The following RELN variants were observed in gnomAD, a reference collection of about 807,000 sequenced individuals.
RELN encodes the protein reelin.
A neutral mutation model predicts 427.6 loss-of-function variants in RELN; 108 were observed. The ratio of observed to expected loss-of-function variants is 0.25; its 90% CI spans 0.22 to 0.30. The LOEUF (loss-of-function observed/expected upper bound fraction) is 0.30. Among genes scored for constraint, RELN ranks in the 10% least tolerant of loss-of-function variants. The pLI is 1.00. For missense variants in RELN, 3,715 were observed against 4,302.8 expected (o/e 0.86, Z 3.82); for synonymous variants, 1,524 against 1,513.4 (o/e 1.01, Z -0.16).
Position 103,927,916 on chromosome 7 carries a change from T to C in RELN, c.227-10731A>G, listed in dbSNP as rs567052688. Among the ~76,000 whole-genome samples, 84 of 152,314 alleles carry C rather than the reference T, an allele frequency of 5.5e-4. 1 individual carries two copies. Among genetic ancestry groups the C allele is most frequent in the South Asian group, 1.7e-3 (8 of 4,824 alleles). On this transcript the variant is annotated intron_variant, in intron 1 of 64. Coordinates refer to ENST00000428762, the MANE Select transcript of RELN (RefSeq NM_005045.4). ...AAGGGACTTTGCAAAGGACTAAGTA[T>C]GCTCTGCTGGCTTTAGTATTCCTCA...
At chr7:103,884,309 G>A (rs1380601985) in intron 2 of RELN, among the ~76,000 whole-genome samples, 1 of 152,114 alleles carries the variant, frequency 6.6e-6, no homozygotes. Context: ...TTAAATGCAA[G>A]ACCTGAAACC....
At chr7:103,522,534 G>A (rs1173977573) in intron 47 of RELN, among the ~76,000 whole-genome samples, 1 of 152,160 alleles carries the variant, frequency 6.6e-6, no homozygotes, top group East Asian at 1.9e-4. Flanking sequence ...AAACTGGTGG[G>A]TCCTAATAAT....
chr7:103,807,021 T>C (rs1792616611), intron 3 of RELN, among the ~76,000 whole-genome samples: 1 of 152,072 alleles, frequency 6.6e-6, no homozygotes, highest in South Asian at 2.1e-4. Flanking sequence ...TACAGTGGAA[T>C]GTGGTAAGTG....
chr7:103,733,958 A>G (rs1209903850), intron 6 of RELN, among the ~76,000 whole-genome samples: 1 of 152,166 alleles, frequency 6.6e-6, no homozygotes, highest in African/African-American at 2.4e-5. Context: ...AATGTTCTCT[A>G]TAAAGACCAC....
intron 16 of RELN, among the ~76,000 whole-genome samples, chr7:103,648,104 G>T (rs957952624): frequency 6.6e-6 from 1 of 151,998 alleles, no homozygotes; most frequent in Non-Finnish European, 1.5e-5. Context: ...AATCCTAGAA[G>T]AAAACTGATA....
At chr7:103,473,146 A>G in intron 64 of RELN, 1 of 621,730 alleles carries the variant, frequency 1.6e-6, no homozygotes, top group East Asian at 3.1e-5. Context: ...GTGAGCTCTG[A>G]ACCAGAAAAT....
chr7:103,515,204 A>T lies in RELN; in HGVS notation c.8100T>A (p.Phe2700Leu). 2 of 1,614,190 alleles carry T rather than the reference A, an allele frequency of 1.2e-6. No homozygotes were observed. Among genetic ancestry groups the T allele is most frequent in the Non-Finnish European group, 1.7e-6 (2 of 1,180,032 alleles). The change falls in exon 50 of 65, where the codon TTT becomes TTA. Residue 2700 changes from phenylalanine (F) to leucine (L), a missense_variant. By Grantham distance (22) the Phe-to-Leu change is conservative. Transcript: ENST00000428762. The stretch of plus-strand genomic sequence containing the variant: ...ATTTACCTGAAGTTTTGTCTTCCAT[A>T]AACATGTCAAAGGCGATCCTCCCGA... Reference protein sequence around the residue: ...GPVGRIAFDMFMEDKTSVNEH... With the variant: ...GPVGRIAFDMLMEDKTSVNEH...
At chr7:103,562,086 G>A (rs551000116) in intron 34 of RELN, 133 bp from the exon 35 acceptor site, 57 of 1,063,748 alleles carry the variant, frequency 5.4e-5, no homozygotes, top group East Asian at 1.3e-4. Flanking sequence ...CTTTCTTGAC[G>A]TACTTTATTT....
intron 4 of RELN, among the ~76,000 whole-genome samples, chr7:103,756,199 A>G (rs751290073): frequency 2.2e-4 from 33 of 152,218 alleles, no homozygotes; most frequent in Non-Finnish European, 3.2e-4. Flanking sequence ...TACCTTTGCT[A>G]AATTATCTGG....
At chr7:103,814,354 T>C (rs1404702978) in intron 3 of RELN, among the ~76,000 whole-genome samples, 1 of 152,190 alleles carries the variant, frequency 6.6e-6, no homozygotes, top group Non-Finnish European at 1.5e-5. Flanking sequence ...GACAGATTTG[T>C]TCTGATTTGG....
chr7:103,978,955 A>G (rs538712039), intron 1 of RELN, among the ~76,000 whole-genome samples: 2 of 152,326 alleles, frequency 1.3e-5, no homozygotes, highest in African/African-American at 4.8e-5. Flanking sequence ...AGCTCATCAG[A>G]GAATGGTACA....
chr7:103,862,872 G>A (rs1054998974), intron 2 of RELN, among the ~76,000 whole-genome samples: 1 of 152,092 alleles, frequency 6.6e-6, no homozygotes, highest in Non-Finnish European at 1.5e-5. Flanking sequence ...GGAAATCAGA[G>A]AATGGACGTG....
chr7:103,812,800 T>C (rs1792775812), intron 3 of RELN, among the ~76,000 whole-genome samples: 1 of 152,204 alleles, frequency 6.6e-6, no homozygotes, highest in Non-Finnish European at 1.5e-5. Flanking sequence ...GCATTTTAAC[T>C]ATATTCCATT....
At chr7:103,659,742 T>C (rs186267177) in intron 12 of RELN, among the ~76,000 whole-genome samples, 1 of 152,274 alleles carries the variant, frequency 6.6e-6, no homozygotes, top group East Asian at 1.9e-4. Context: ...AATTTTTATA[T>C]CAATAACAAC....
At chr7:103,922,102 G>C (rs1227700125) in intron 1 of RELN, among the ~76,000 whole-genome samples, 1 of 152,090 alleles carries the variant, frequency 6.6e-6, no homozygotes, top group South Asian at 2.1e-4. Flanking sequence ...AAAATTGAGA[G>C]TGTAATGTAG....
At chr7:103,869,979 A>T (rs1381025834) in intron 2 of RELN, among the ~76,000 whole-genome samples, 1 of 152,142 alleles carries the variant, frequency 6.6e-6, no homozygotes, top group East Asian at 1.9e-4. Flanking sequence ...TGACCTGTCA[A>T]GTACACTGAT....
rs17348122 is a variant in RELN at position 103,483,544 on chromosome 7, T to C, written c.10181+109A>G. Reference sequence around the variant, plus strand: ...TTCGTTCTGCCACCACCTAGTTTTGTGGCATTGGTGCATTAACTTTACCCA... The same window carrying C: ...TTCGTTCTGCCACCACCTAGTTTTGCGGCATTGGTGCATTAACTTTACCCA... On this transcript the variant is annotated intron_variant, in intron 62 of 64. Coordinates refer to ENST00000428762, the MANE Select transcript of RELN (RefSeq NM_005045.4). 0.05 allele frequency: 54,791 copies of C among 1,093,132 alleles called. 1,740 individuals carry two copies. Among genetic ancestry groups the C allele is most frequent in the Non-Finnish European group, 0.057 (40,270 of 706,442 alleles). The allele number at this position is 1,093,132 out of a possible 1,614,324, so 67.7% of individuals were successfully genotyped here.
intron 36 of RELN, among the ~76,000 whole-genome samples, chr7:103,561,088 A>T (rs1830631385): frequency 6.6e-6 from 1 of 152,202 alleles, no homozygotes; most frequent in Non-Finnish European, 1.5e-5. Flanking sequence ...AATGTTTGAG[A>T]ATGCTATTTT....
At chr7:103,660,042 T>G (rs1833104859) in intron 12 of RELN, among the ~76,000 whole-genome samples, 1 of 151,976 alleles carries the variant, frequency 6.6e-6, no homozygotes, top group Non-Finnish European at 1.5e-5. Context: ...CCAGAAAAAA[T>G]TAAAGATTAA....
Sources: allele counts gnomAD v4.1 joint callset (sites outside exome capture counted in the v4.1 genomes callset), GRCh38; gene constraint gnomAD v4.1.1; transcripts MANE v1.5; gene names NCBI Gene and HGNC (gene_info 2026-07-23, HGNC 2026-07-21).